The following DGKB variants were observed in gnomAD, a reference collection of about 807,000 sequenced individuals.
The protein encoded by DGKB is diacylglycerol kinase beta, also known as 90 kDa diacylglycerol kinase.
In DGKB, 67 loss-of-function variants were observed where a neutral mutation model predicts 114.3. The ratio of observed to expected loss-of-function variants is 0.59; its 90% CI spans 0.48 to 0.72. The LOEUF is 0.72. Ranked by LOEUF, DGKB falls within the 30% of genes least tolerant of loss-of-function variation. The pLI is 0.00. For missense variants in DGKB, 907 were observed against 975.2 expected, an observed-to-expected ratio of 0.93 and a Z score of 0.93; for synonymous variants, 398 against 323.1, an observed-to-expected ratio of 1.23 and a Z score of -2.49.
At chr7:14,449,038 A>C (rs1003608016) in intron 21 of DGKB, among the ~76,000 whole-genome samples, 5 of 152,120 alleles carry the variant, frequency 3.3e-5, no homozygotes, top group Non-Finnish European at 7.4e-5. Flanking sequence ...GGAACTCACA[A>C]CTACATATAA....
chr7:14,319,079 T>C (rs1807212608), intron 23 of DGKB, among the ~76,000 whole-genome samples: 1 of 147,562 alleles, frequency 6.8e-6, no homozygotes, highest in African/African-American at 2.5e-5. Flanking sequence ...TAGGTGGGAA[T>C]TGAACAATGA....
At chr7:14,303,989 T>G (rs1346591019) in intron 23 of DGKB, among the ~76,000 whole-genome samples, 1 of 150,964 alleles carries the variant, frequency 6.6e-6, no homozygotes, top group Non-Finnish European at 1.5e-5. Context: ...CACTTCTCTC[T>G]TTTATTTAAT....
At chr7:14,790,411 C>A (rs1840502629) in intron 2 of DGKB, among the ~76,000 whole-genome samples, 1 of 151,804 alleles carries the variant, frequency 6.6e-6, no homozygotes. Context: ...TTTTTTCACC[C>A]AAAAACTGTT....
At chr7:14,695,370 TA>T (rs953620199) in intron 8 of DGKB, among the ~76,000 whole-genome samples, 14 of 151,548 alleles carry the variant, frequency 9.2e-5, no homozygotes, top group African/African-American at 3.4e-4. Flanking sequence ...ATGGGCCTCA[TA>T]AAAAAATAAG....
chr7:14,874,138 T>TA (rs900300875), intron 1 of DGKB, among the ~76,000 whole-genome samples: 8 of 152,084 alleles, frequency 5.3e-5, no homozygotes, highest in African/African-American at 1.9e-4. Context: ...CAGCACCACT[T>TA]ACACATACAC....
At chr7:14,886,520 CAGA>C (rs1855076508) in intron 1 of DGKB, among the ~76,000 whole-genome samples, 1 of 151,854 alleles carries the variant, frequency 6.6e-6, no homozygotes, top group Admixed American at 6.6e-5. Context: ...TTGCAAATAC[CAGA>C]AGGCTAAAGG....
intron 1 of DGKB, among the ~76,000 whole-genome samples, chr7:14,933,583 T>G (rs2128251800): frequency 6.6e-6 from 1 of 152,298 alleles, no homozygotes; most frequent in East Asian, 1.9e-4. Context: ...GGATAAAAAT[T>G]ATGTCTTACT....
At chr7:14,349,324 T>G (rs1243877291) in intron 21 of DGKB, among the ~76,000 whole-genome samples, 1 of 152,132 alleles carries the variant, frequency 6.6e-6, no homozygotes, top group African/African-American at 2.4e-5. Flanking sequence ...GATATGGGTT[T>G]ATATTTTGGC....
intron 20 of DGKB, among the ~76,000 whole-genome samples, chr7:14,565,276 A>T (rs567249733): frequency 1.3e-5 from 2 of 152,266 alleles, no homozygotes; most frequent in Middle Eastern, 6.8e-3. Context: ...GCCTACTAAC[A>T]GCTAGAACCA....
rs78036187 is a variant in DGKB at position 14,716,207 on chromosome 7, G to A, written c.466+2335C>T. ...TGGACAGAAGGAATTGCATAAGCCA[G>A]TGCTTCTCAAAATGTGATCCCTAGA... On this transcript the variant is annotated intron_variant, in intron 6 of 25. Coordinates refer to ENST00000402815, the MANE Select transcript of DGKB (RefSeq NM_001350709.2). 9.3e-3 allele frequency among the ~76,000 whole-genome samples: 1,421 copies of A among 152,238 alleles called. 24 individuals carry two copies. The highest frequency in any genetic ancestry group is 0.033 in the African/African-American group (1,367 of 41,528).
intron 23 of DGKB, among the ~76,000 whole-genome samples, chr7:14,246,321 A>G (rs1794468307): frequency 6.6e-6 from 1 of 152,186 alleles, no homozygotes; most frequent in African/African-American, 2.4e-5. Flanking sequence ...TTTAAAATGA[A>G]TGTAATTTTA....
chr7:14,812,157 T>C (rs1465509769), intron 2 of DGKB, among the ~76,000 whole-genome samples: 2 of 152,196 alleles, frequency 1.3e-5, no homozygotes, highest in African/African-American at 4.8e-5. Flanking sequence ...TTTACATGTA[T>C]AAGCTACATT....
At chr7:14,659,928 A>C (rs62443688) in intron 13 of DGKB, among the ~76,000 whole-genome samples, 4,176 of 151,952 alleles carry the variant, frequency 0.027, 56 homozygotes, top group South Asian at 0.038. Flanking sequence ...ATTTATTGAG[A>C]GTTTTTAGCA....
At chr7:14,693,421 T>G (rs183399572) in intron 9 of DGKB, among the ~76,000 whole-genome samples, 238 of 152,048 alleles carry the variant, frequency 1.6e-3, no homozygotes, top group African/African-American at 5.6e-3. Context: ...TCATCTTAGG[T>G]TGATTTATTT....
chr7:14,490,796 T>C (rs1173727880), intron 20 of DGKB, among the ~76,000 whole-genome samples: 2 of 152,212 alleles, frequency 1.3e-5, no homozygotes, highest in East Asian at 3.9e-4. Flanking sequence ...AATTAGGGAG[T>C]CAGTGAATTC....
intron 13 of DGKB, among the ~76,000 whole-genome samples, chr7:14,658,447 G>A (rs984489204): frequency 6.6e-6 from 1 of 152,044 alleles, no homozygotes; most frequent in African/African-American, 2.4e-5. Context: ...GGGGGATAAA[G>A]AGAGGTTGGT....
chr7:14,793,441 T>C (rs1185909208), intron 2 of DGKB, among the ~76,000 whole-genome samples: 3 of 152,234 alleles, frequency 2.0e-5, no homozygotes, highest in Non-Finnish European at 4.4e-5. Flanking sequence ...CTGAAAGGAT[T>C]GAAGATGCTT....
At chr7:14,443,931 A>G (rs1430617878) in intron 21 of DGKB, among the ~76,000 whole-genome samples, 1 of 151,264 alleles carries the variant, frequency 6.6e-6, no homozygotes, top group Non-Finnish European at 1.5e-5. Flanking sequence ...ATGCTTCTCT[A>G]CTTAATATTT....
chr7:14,527,312 G>C (rs1384892100), intron 20 of DGKB, among the ~76,000 whole-genome samples: 2 of 152,048 alleles, frequency 1.3e-5, no homozygotes, highest in South Asian at 2.1e-4. Flanking sequence ...ACAGAATTGG[G>C]AATTTATTTA....
Sources: gnomAD v4.1 joint callset for allele counts (sites outside exome capture counted in the v4.1 genomes callset) on GRCh38, gnomAD v4.1.1 for gene constraint, MANE v1.5 for transcripts, NCBI Gene and HGNC (gene_info 2026-07-23, HGNC 2026-07-21) for gene names.